The following IMMP2L variants were observed in gnomAD, a reference collection of about 807,000 sequenced individuals.
IMMP2L encodes inner mitochondrial membrane peptidase subunit 2, also known as mitochondrial inner membrane protease subunit 2.
IMMP2L carries 18 observed loss-of-function variants against 19.3 expected under a neutral mutation model. The ratio of observed to expected loss-of-function variants is 0.93; its 90% CI spans 0.64 to 1.38. The LOEUF is 1.38. Among genes scored for constraint, IMMP2L ranks in the 40% most tolerant of loss-of-function variants. IMMP2L has a pLI of 0.00. For synonymous variants in IMMP2L, 76 were observed against 73.0 expected, an observed-to-expected ratio of 1.04 and a Z score of -0.21; for missense variants, 233 against 218.2, an observed-to-expected ratio of 1.07 and a Z score of -0.43.
intron 3 of IMMP2L, among the ~76,000 whole-genome samples, chr7:111,122,172 T>G (rs529556906): frequency 1.3e-5 from 2 of 152,012 alleles, no homozygotes; most frequent in East Asian, 1.9e-4. Flanking sequence ...TGTATACATA[T>G]GTAACAAACC....
chr7:110,783,806 A>G (rs1799896804), intron 5 of IMMP2L, among the ~76,000 whole-genome samples: 1 of 151,868 alleles, frequency 6.6e-6, no homozygotes, highest in Non-Finnish European at 1.5e-5. Context: ...TAAGGAGTCA[A>G]AGGTTTACAG....
chr7:111,441,155 T>C (rs556299541), intron 3 of IMMP2L, among the ~76,000 whole-genome samples: 1 of 152,014 alleles, frequency 6.6e-6, no homozygotes, highest in South Asian at 2.1e-4. Flanking sequence ...TCATCATCCA[T>C]TTATTCACTG....
rs923701171 is a variant in IMMP2L at position 111,186,800 on chromosome 7, C to T, written c.240-223235G>A. Among the ~76,000 whole-genome samples, 4 of 152,032 alleles carry T rather than the reference C, an allele frequency of 2.6e-5. No individual in the cohort carries two copies. In the East Asian group the frequency reaches 5.8e-4, roughly 22 times the overall value. On this transcript the variant is annotated intron_variant, in intron 3 of 5. Transcript: ENST00000405709. Reference sequence around the variant, plus strand: ...GTATAAAATCTAAGAATGAGTCTTACGGCCTAGTTCTTTAAGAACCTCTGG... The same window carrying T: ...GTATAAAATCTAAGAATGAGTCTTATGGCCTAGTTCTTTAAGAACCTCTGG...
At chr7:111,402,110 G>T (rs1045586348) in intron 3 of IMMP2L, among the ~76,000 whole-genome samples, 2 of 139,322 alleles carry the variant, frequency 1.4e-5, no homozygotes, top group African/African-American at 5.2e-5. Flanking sequence ...CACATAGCAA[G>T]ACCCCATCTC....
chr7:111,214,329 T>C (rs1324458682), intron 3 of IMMP2L, among the ~76,000 whole-genome samples: 1 of 85,878 alleles, frequency 1.2e-5, no homozygotes, highest in African/African-American at 4.0e-5. Context: ...GTAATTTTTC[T>C]TCTTTTTTTT....
intron 3 of IMMP2L, among the ~76,000 whole-genome samples, chr7:111,253,453 G>A (rs143652687): frequency 3.1e-4 from 47 of 152,174 alleles, no homozygotes; most frequent in Non-Finnish European, 4.6e-4. Flanking sequence ...ACAAACCAGG[G>A]TGGGAAGGAA....
intron 3 of IMMP2L, among the ~76,000 whole-genome samples, chr7:111,274,644 T>A (rs1818824620): frequency 6.6e-6 from 1 of 152,150 alleles, no homozygotes; most frequent in Non-Finnish European, 1.5e-5. Flanking sequence ...TTTATTGCAA[T>A]TAACAAACAG....
chr7:111,087,043 A>C (rs1020245452), intron 3 of IMMP2L, among the ~76,000 whole-genome samples: 1 of 152,240 alleles, frequency 6.6e-6, no homozygotes, highest in Non-Finnish European at 1.5e-5. Context: ...TGGCTCTGTA[A>C]GCAGACAGAA....
chr7:111,096,727 C>A (rs1448410740), intron 3 of IMMP2L, among the ~76,000 whole-genome samples: 1 of 151,846 alleles, frequency 6.6e-6, no homozygotes, highest in Non-Finnish European at 1.5e-5. Context: ...TCTCCAAAGT[C>A]ACTTAAGAAC....
At chr7:110,770,408 A>G (rs1798959097) in intron 5 of IMMP2L, among the ~76,000 whole-genome samples, 1 of 152,162 alleles carries the variant, frequency 6.6e-6, no homozygotes, top group Admixed American at 6.6e-5. Flanking sequence ...GCCTTTGTTT[A>G]TAATTAGGAA....
At chr7:111,199,227 T>C (rs1277288009) in intron 3 of IMMP2L, among the ~76,000 whole-genome samples, 3 of 152,186 alleles carry the variant, frequency 2.0e-5, no homozygotes, top group Admixed American at 6.5e-5. Context: ...ACATATAATG[T>C]ATATTAACTC....
At chr7:110,794,003 T>C (rs2131167123) in intron 5 of IMMP2L, among the ~76,000 whole-genome samples, 1 of 152,214 alleles carries the variant, frequency 6.6e-6, no homozygotes, top group East Asian at 1.9e-4. Context: ...CAACTCAAAA[T>C]GCTGGAAAGG....
At chr7:111,110,015 G>A (rs1004665776) in intron 3 of IMMP2L, among the ~76,000 whole-genome samples, 3 of 152,112 alleles carry the variant, frequency 2.0e-5, no homozygotes, top group Non-Finnish European at 4.4e-5. Context: ...AACACCTGTA[G>A]TCCAAGCTAC....
intron 3 of IMMP2L, among the ~76,000 whole-genome samples, chr7:111,402,995 C>CCG (rs1201198840): frequency 1.1e-5 from 1 of 92,094 alleles, no homozygotes; most frequent in African/African-American, 4.7e-5. Flanking sequence ...GCCTTGACCC[C>CCG]CCCCCCCCAC....
intron 5 of IMMP2L, among the ~76,000 whole-genome samples, chr7:110,846,556 G>C (rs556831221): frequency 1.3e-5 from 2 of 151,852 alleles, no homozygotes; most frequent in South Asian, 4.2e-4. Context: ...AGTAGAGACC[G>C]GGTTTTACCT....
chr7:111,194,081 T>C (rs769810173), intron 3 of IMMP2L, among the ~76,000 whole-genome samples: 18 of 152,192 alleles, frequency 1.2e-4, no homozygotes, highest in African/African-American at 3.1e-4. Context: ...CCTGGTCATA[T>C]GGCACAAAGT....
chr7:111,425,168 G>C (rs1482576688), intron 3 of IMMP2L, among the ~76,000 whole-genome samples: 1 of 151,604 alleles, frequency 6.6e-6, no homozygotes, highest in Non-Finnish European at 1.5e-5. Flanking sequence ...TACATACTTC[G>C]ATTCCTTAAA....
intron 5 of IMMP2L, among the ~76,000 whole-genome samples, chr7:110,820,636 G>C (rs1463532356): frequency 6.6e-6 from 1 of 151,800 alleles, no homozygotes; most frequent in Non-Finnish European, 1.5e-5. Flanking sequence ...TCTGTAAAGA[G>C]GAAACTTCTG....
chr7:110,775,549 C>CA (rs1374992403), intron 5 of IMMP2L, among the ~76,000 whole-genome samples: 2 of 151,890 alleles, frequency 1.3e-5, no homozygotes, highest in African/African-American at 4.8e-5. Context: ...AAGACACACA[C>CA]AAAAAATGTT....
Sources: allele counts gnomAD v4.1 joint callset (sites outside exome capture counted in the v4.1 genomes callset), GRCh38; gene constraint gnomAD v4.1.1; transcripts MANE v1.5; gene names NCBI Gene and HGNC (gene_info 2026-07-23, HGNC 2026-07-21).